Variants in ARHGAP26 observed in about 807,000 individuals in gnomAD.
ARHGAP26 encodes rho GTPase-activating protein 26.
Under a neutral mutation model 104.8 loss-of-function variants are expected in ARHGAP26, and 38 were observed. The ratio of observed to expected loss-of-function variants is 0.36; its 90% CI spans 0.28 to 0.48. The LOEUF (loss-of-function observed/expected upper bound fraction) is 0.48, where lower values mean the gene tolerates loss of function less well. Ranked by LOEUF, ARHGAP26 falls within the 20% of genes least tolerant of loss-of-function variation. The pLI is 0.99. For missense variants in ARHGAP26, 704 were observed against 947.9 expected (o/e 0.74, Z 3.38); for synonymous variants, 341 against 340.0 (o/e 1.00, Z -0.03).
chr5:143,053,579 T>C (rs1469017695), intron 14 of ARHGAP26, among the ~76,000 whole-genome samples: 1 of 152,222 alleles, frequency 6.6e-6, no homozygotes, highest in Non-Finnish European at 1.5e-5. Flanking sequence ...AGGAAGATTA[T>C]AAGAATTATC....
At chr5:142,944,554 G>T (rs1329888104) in intron 11 of ARHGAP26, among the ~76,000 whole-genome samples, 1 of 152,176 alleles carries the variant, frequency 6.6e-6, no homozygotes, top group Non-Finnish European at 1.5e-5. Flanking sequence ...CATTTGATGA[G>T]CCTGTAGGTG....
At chr5:143,009,081 G>A (rs150470697) in intron 11 of ARHGAP26, among the ~76,000 whole-genome samples, 4 of 152,094 alleles carry the variant, frequency 2.6e-5, no homozygotes, top group African/African-American at 9.6e-5. Flanking sequence ...CTCCCCCCCT[G>A]GTGTTTATCG....
At position 142,838,744 on chromosome 5, in the gene ARHGAP26, C is replaced by T. The variant is rs73795932; in HGVS notation, c.155-34656C>T. Among the ~76,000 whole-genome samples the T allele has an allele frequency of 3.6e-3, 552 of 152,288 alleles. 4 individuals are homozygous for T. Among genetic ancestry groups the T allele is most frequent in the Middle Eastern group, 0.014 (4 of 294 alleles). On this transcript the variant is annotated intron_variant, in intron 1 of 22. Coordinates refer to ENST00000645722, the MANE Select transcript of ARHGAP26 (RefSeq NM_001135608.3). ...GTTTGAGGCACTTGTGTCTAGTAGT[C>T]ATGTTGTGGGATCAACTTTGGAAAA...
intron 11 of ARHGAP26, among the ~76,000 whole-genome samples, chr5:142,983,755 A>G (rs1774288368): frequency 6.6e-6 from 1 of 152,244 alleles, no homozygotes; most frequent in African/African-American, 2.4e-5. Context: ...TGGTTAATTT[A>G]TGATATTTGT....
intron 11 of ARHGAP26, among the ~76,000 whole-genome samples, chr5:142,946,348 C>T (rs1767094544): frequency 6.6e-6 from 1 of 152,294 alleles, no homozygotes; most frequent in East Asian, 1.9e-4. Flanking sequence ...GAGCTGTGAC[C>T]TCTCACCTCC....
intron 11 of ARHGAP26, among the ~76,000 whole-genome samples, chr5:142,955,601 G>A (rs37211): frequency 1.3e-5 from 2 of 152,032 alleles, no homozygotes; most frequent in African/African-American, 2.4e-5. Context: ...CAAACCTCCC[G>A]CCTCAATCAT....
chr5:142,970,503 T>C (rs572379137), intron 11 of ARHGAP26, among the ~76,000 whole-genome samples: 6 of 152,316 alleles, frequency 3.9e-5, no homozygotes, highest in South Asian at 4.1e-4. Context: ...CAACCTCATA[T>C]CACCCTTAAC....
intron 11 of ARHGAP26, among the ~76,000 whole-genome samples, chr5:142,978,469 G>A (rs1000555290): frequency 9.2e-5 from 14 of 152,146 alleles, no homozygotes; most frequent in South Asian, 4.1e-4. Flanking sequence ...ACTGGAAACC[G>A]AAGCACCAGT....
At chr5:142,952,121 C>G (rs1362284513) in intron 11 of ARHGAP26, among the ~76,000 whole-genome samples, 1 of 152,206 alleles carries the variant, frequency 6.6e-6, no homozygotes, top group Admixed American at 6.5e-5. Context: ...ATGGCCCACT[C>G]AGGTAATTCA....
chr5:143,091,863 T>A (rs1220739722), intron 17 of ARHGAP26, among the ~76,000 whole-genome samples: 1 of 152,252 alleles, frequency 6.6e-6, no homozygotes, highest in African/African-American at 2.4e-5. Flanking sequence ...ACAATGAATG[T>A]TTCAAAACTT....
chr5:142,879,973 G>A (rs1756714007), intron 4 of ARHGAP26, among the ~76,000 whole-genome samples: 1 of 152,096 alleles, frequency 6.6e-6, no homozygotes, highest in Non-Finnish European at 1.5e-5. Context: ...AATGTTTCAA[G>A]ACAAACTGAA....
chr5:143,148,823 G>A (rs1442773073), intron 20 of ARHGAP26, among the ~76,000 whole-genome samples: 1 of 152,108 alleles, frequency 6.6e-6, no homozygotes. Flanking sequence ...TTAATTTTCT[G>A]TACCTAGCAG....
At chr5:143,221,060 T>C (rs1047627285) in intron 22 of ARHGAP26, among the ~76,000 whole-genome samples, 2 of 152,216 alleles carry the variant, frequency 1.3e-5, no homozygotes, top group African/African-American at 4.8e-5. Flanking sequence ...AGAGTAAATG[T>C]CCTGCCTCAC....
chr5:142,945,196 A>G (rs1230472530), intron 11 of ARHGAP26, among the ~76,000 whole-genome samples: 1 of 152,268 alleles, frequency 6.6e-6, no homozygotes, highest in Non-Finnish European at 1.5e-5. Context: ...TGTCTAACCA[A>G]TGCAAGAGTT....
At chr5:142,947,118 A>AAAAAAAAGAG (rs1336588621) in intron 11 of ARHGAP26, 1 of 144,514 alleles carries the variant, frequency 6.9e-6, no homozygotes, top group African/African-American at 2.7e-5. Context: ...AAAAAAAAAA[A>AAAAAAAAGAG]AGAGAGAGAG....
chr5:142,853,808 A>T (rs78976485), intron 1 of ARHGAP26, among the ~76,000 whole-genome samples: 2,212 of 152,304 alleles, frequency 0.015, 54 homozygotes, highest in African/African-American at 0.05. Flanking sequence ...CCACACTGGC[A>T]GGAGGCTACA....
intron 20 of ARHGAP26, among the ~76,000 whole-genome samples, chr5:143,203,891 G>A (rs1447425996): frequency 1.3e-5 from 2 of 151,994 alleles, no homozygotes; most frequent in Non-Finnish European, 2.9e-5. Context: ...ACACAGGGAG[G>A]GGAACATCAC....
intron 18 of ARHGAP26, among the ~76,000 whole-genome samples, chr5:143,123,984 A>C (rs111661719): frequency 4.0e-5 from 6 of 149,182 alleles, no homozygotes; most frequent in Non-Finnish European, 7.5e-5. Context: ...CACACACACA[A>C]ACACACAATG....
chr5:142,911,134 C>T (rs1761773168), intron 9 of ARHGAP26, among the ~76,000 whole-genome samples: 1 of 152,146 alleles, frequency 6.6e-6, no homozygotes, highest in South Asian at 2.1e-4. Context: ...GAAGAATTTC[C>T]CTGCATCCTA....
Sources: gnomAD v4.1 joint callset for allele counts (sites outside exome capture counted in the v4.1 genomes callset) on GRCh38, gnomAD v4.1.1 for gene constraint, MANE v1.5 for transcripts, NCBI Gene and HGNC (gene_info 2026-07-23, HGNC 2026-07-21) for gene names.